The following ABCC1 variants were observed in gnomAD, a reference collection of about 807,000 sequenced individuals.
ABCC1 encodes the protein multidrug resistance-associated protein 1.
A neutral mutation model predicts 172.9 loss-of-function variants in ABCC1; 83 were observed. The observed-to-expected ratio is 0.48, with a 90% CI of 0.40 to 0.58. The LOEUF (loss-of-function observed/expected upper bound fraction) is 0.58. Among genes scored for constraint, ABCC1 ranks in the 20% least tolerant of loss-of-function variants. The pLI is 0.00. For synonymous variants in ABCC1, 937 were observed against 825.2 expected, an observed-to-expected ratio of 1.14 and a Z score of -2.32; for missense variants, 1,817 against 2,002.7, an observed-to-expected ratio of 0.91 and a Z score of 1.77.
chr16:15,983,605 G>A (rs2046678253), intron 1 of ABCC1, among the ~76,000 whole-genome samples: 1 of 147,384 alleles, frequency 6.8e-6, no homozygotes, highest in South Asian at 2.2e-4. Flanking sequence ...TCCCAGGCTG[G>A]AGAGCAATGG....
intron 5 of ABCC1, among the ~76,000 whole-genome samples, chr16:16,028,209 A>G (rs1033721276): frequency 6.6e-6 from 1 of 152,116 alleles, no homozygotes; most frequent in Admixed American, 6.6e-5. Context: ...TCGGGCCTCA[A>G]ATGACTGACC....
intron 9 of ABCC1, among the ~76,000 whole-genome samples, chr16:16,046,637 G>T (rs982372711): frequency 6.6e-6 from 1 of 152,082 alleles, no homozygotes; most frequent in African/African-American, 2.4e-5. Context: ...GAGCCACCGC[G>T]CCCAGCCTGT....
At chr16:16,115,903 C>CTTT (rs1018179679) in intron 23 of ABCC1, among the ~76,000 whole-genome samples, 1 of 143,656 alleles carries the variant, frequency 7.0e-6, no homozygotes, top group African/African-American at 2.5e-5. Context: ...TTCTTTCTTT[C>CTTT]TTTTTTTTTT....
chr16:15,984,018 G>A (rs976663969), intron 1 of ABCC1, among the ~76,000 whole-genome samples: 1 of 152,146 alleles, frequency 6.6e-6, no homozygotes, highest in East Asian at 1.9e-4. Flanking sequence ...AAGCAAAGCC[G>A]GATTGGTGTG....
chr16:15,986,486 G>C (rs569931429), intron 1 of ABCC1, among the ~76,000 whole-genome samples: 1 of 152,288 alleles, frequency 6.6e-6, no homozygotes, highest in South Asian at 2.1e-4. Flanking sequence ...TCTCACAGGA[G>C]CGTGAACCCT....
At chr16:15,978,331 G>T (rs1373885374) in intron 1 of ABCC1, among the ~76,000 whole-genome samples, 1 of 152,124 alleles carries the variant, frequency 6.6e-6, no homozygotes, top group Non-Finnish European at 1.5e-5. Flanking sequence ...GCACACGACT[G>T]CTTTCCAGCC....
intron 1 of ABCC1, among the ~76,000 whole-genome samples, chr16:15,987,653 C>T (rs2046772106): frequency 1.3e-5 from 2 of 152,218 alleles, no homozygotes; most frequent in Non-Finnish European, 2.9e-5. Flanking sequence ...CACTTGAGAA[C>T]CATGGTGTTG....
At chr16:16,107,024 G>T in intron 21 of ABCC1, 151 bp downstream of exon 21, 1 of 1,213,910 alleles carries the variant, frequency 8.2e-7, no homozygotes. Flanking sequence ...CAGAAACTGA[G>T]GCCAGAGAGG....
intron 1 of ABCC1, among the ~76,000 whole-genome samples, chr16:15,994,276 G>A (rs765802226): frequency 2.0e-5 from 3 of 152,144 alleles, no homozygotes; most frequent in Admixed American, 1.3e-4. Context: ...CAAGCACGTG[G>A]TTTAGAGGTG....
chr16:15,997,916 C>T (rs552210772), intron 1 of ABCC1, among the ~76,000 whole-genome samples: 1 of 146,288 alleles, frequency 6.8e-6, no homozygotes, highest in Non-Finnish European at 1.5e-5. Flanking sequence ...TGGGTTTAAG[C>T]GATTCTTGTG....
intron 3 of ABCC1, among the ~76,000 whole-genome samples, chr16:16,013,342 C>G (rs184593843): frequency 3.2e-4 from 49 of 151,706 alleles, no homozygotes; most frequent in African/African-American, 1.1e-3. Flanking sequence ...ATGATCTCAG[C>G]TCAGTGTAGC....
intron 18 of ABCC1, among the ~76,000 whole-genome samples, chr16:16,088,430 G>A (rs558764065): frequency 4.6e-5 from 7 of 152,170 alleles, no homozygotes; most frequent in Admixed American, 2.0e-4. Context: ...GGGTAACAGA[G>A]CGAGACTCCG....
Position 16,068,224 on chromosome 16 carries a change from C to CT in ABCC1, c.1748dup (p.Val584ArgfsTer40). The CT allele has an allele frequency of 6.2e-7, 1 of 1,614,180 alleles. No individual in the cohort carries two copies. Among genetic ancestry groups the CT allele is most frequent in the Non-Finnish European group, 8.5e-7 (1 of 1,180,034 alleles). ...ACAACATCCTGGATGCCCAGACAGC[C>CT]TTCGTGTCTTTGGCCTTGTTCAACA... is the stretch of plus-strand genomic sequence containing the variant. On this transcript the variant is annotated frameshift_variant, in exon 13 of 31. Coordinates refer to ENST00000399410, the MANE Select transcript of ABCC1 (RefSeq NM_004996.4). LOFTEE classifies it high-confidence loss of function.
chr16:16,044,998 C>A (rs543703520), intron 8 of ABCC1, among the ~76,000 whole-genome samples: 34 of 152,218 alleles, frequency 2.2e-4, no homozygotes, highest in African/African-American at 6.7e-4. Flanking sequence ...AAGACCACAT[C>A]GTTTGCAAGT....
intron 20 of ABCC1, among the ~76,000 whole-genome samples, chr16:16,105,142 CAGAG>C (rs1371199221): frequency 1.3e-5 from 2 of 152,222 alleles, no homozygotes; most frequent in African/African-American, 4.8e-5. Flanking sequence ...CGAGGAGGCA[CAGAG>C]AGCGAGCGAG....
At chr16:16,017,647 G>A (rs1030864109) in intron 5 of ABCC1, among the ~76,000 whole-genome samples, 7 of 152,188 alleles carry the variant, frequency 4.6e-5, no homozygotes, top group African/African-American at 1.2e-4. Context: ...GGGCTCAAGC[G>A]ATCCTCTTGC....
At chr16:16,047,416 C>G in intron 9 of ABCC1, among the ~76,000 whole-genome samples, 1 of 152,152 alleles carries the variant, frequency 6.6e-6, no homozygotes, top group East Asian at 1.9e-4. Flanking sequence ...CTCAGCCCAC[C>G]ACGTAGCTGG....
chr16:16,136,666 G>A, intron 29 of ABCC1, 22 bp downstream of exon 29: 2 of 1,613,160 alleles, frequency 1.2e-6, no homozygotes, highest in Non-Finnish European at 1.7e-6. Context: ...TGAACAAGGA[G>A]ACACCGGGTA....
intron 2 of ABCC1, among the ~76,000 whole-genome samples, chr16:16,009,435 G>A (rs45595333): frequency 3.1e-4 from 47 of 152,314 alleles, no homozygotes; most frequent in African/African-American, 1.1e-3. Flanking sequence ...GTCGTGGAGG[G>A]CTTTCTTGTG....
Sources: allele counts gnomAD v4.1 joint callset (sites outside exome capture counted in the v4.1 genomes callset), GRCh38; gene constraint gnomAD v4.1.1; transcripts MANE v1.5; gene names NCBI Gene and HGNC (gene_info 2026-07-23, HGNC 2026-07-21).